The following GABBR1 variants were observed in gnomAD, a reference collection of about 807,000 sequenced individuals.
The protein encoded by GABBR1 is gamma-aminobutyric acid type B receptor subunit 1, also known as GABA-B receptor, R1 subunit.
A neutral mutation model predicts 117.7 loss-of-function variants in GABBR1; 35 were observed. That is an observed-to-expected ratio of 0.30 (90% CI 0.23 to 0.39). The LOEUF (loss-of-function observed/expected upper bound fraction) is 0.39. GABBR1 is among the 10% of genes least tolerant of loss of function. The probability of loss-of-function intolerance (pLI) is 1.00; values close to 1 mark genes in which losing one functional copy is unlikely to be tolerated. For synonymous variants in GABBR1, 442 were observed against 486.6 expected (o/e 0.91, Z 1.21); for missense variants, 709 against 1,241.8 (o/e 0.57, Z 6.45).
At chr6:29,615,402 G>C (rs1159665559) in intron 11 of GABBR1, among the ~76,000 whole-genome samples, 1 of 152,060 alleles carries the variant, frequency 6.6e-6, no homozygotes, top group Non-Finnish European at 1.5e-5. Context: ...CCTGAGGTCA[G>C]GAATTCCAGA....
chr6:29,629,099 T>TTCGATTC lies in GABBR1; in HGVS notation c.477_483dup (p.Thr162GlufsTer42). 6.2e-7 allele frequency: 1 copy of TTCGATTC among 1,612,712 alleles called. No individual in the cohort carries two copies. Among genetic ancestry groups the TTCGATTC allele is most frequent in the Non-Finnish European group, 8.5e-7 (1 of 1,179,956 alleles). On this transcript the variant is annotated frameshift_variant, in exon 5 of 23. Transcript: ENST00000377034. LOFTEE classifies it high-confidence loss of function. Reference sequence around the variant, plus strand: ...TTTCTCATCTCACCTGAGTGTGGCGTTCGATTCACTGGCAGCAGGAAAGAC... The same window carrying TTCGATTC: ...TTTCTCATCTCACCTGAGTGTGGCGTTCGATTCTCGATTCACTGGCAGCAGGAAAGAC...
At position 29,620,625 on chromosome 6, in the gene GABBR1, C is replaced by A. The variant is rs1763650461; in HGVS notation, c.1323+476G>T. 6.6e-6 allele frequency among the ~76,000 whole-genome samples: 1 copy of A among 151,666 alleles called. No individual in the cohort carries two copies. On this transcript the variant is annotated intron_variant, in intron 11 of 22. Transcript: ENST00000377034. This position sits in a 1 kb window ranked among gnomAD's most constrained non-coding sequence, Gnocchi z 4.5. ...CCACATAAAATTCTAAAAAAAGAAT[C>A]ATTAAAAAAAGCAACAGGATCCAAG...
intron 11 of GABBR1, among the ~76,000 whole-genome samples, chr6:29,614,515 G>A (rs964529240): frequency 1.3e-5 from 2 of 152,228 alleles, no homozygotes; most frequent in African/African-American, 4.8e-5. Flanking sequence ...AGATAGAGGA[G>A]TGAGATACGC....
chr6:29,605,720 T>C lies in GABBR1; in HGVS notation c.2312-24A>G. The C allele has an allele frequency of 1.2e-6, 2 of 1,608,334 alleles. No individual in the cohort carries two copies. Among genetic ancestry groups the C allele is most frequent in the South Asian group, 1.1e-5 (1 of 90,954 alleles). On this transcript the variant is annotated intron_variant, in intron 19 of 22. Transcript: ENST00000377034. This position sits in a 1 kb window ranked among gnomAD's most constrained non-coding sequence, Gnocchi z 4.2. ...GCCTAGGATGGCAGGAGAGAGTCAC[T>C]TGAGCAACAAGGACCACAATGCTCC... is the stretch of plus-strand genomic sequence containing the variant.
At position 29,611,991 on chromosome 6, in the gene GABBR1, G is replaced by A. The variant is rs1260988072; in HGVS notation, c.1630+560C>T. Among the ~76,000 whole-genome samples the A allele has an allele frequency of 6.6e-6, 1 of 151,966 alleles. No individual in the cohort carries two copies. The highest frequency in any genetic ancestry group is 1.5e-5 in the Non-Finnish European group (1 of 67,980). On this transcript the variant is annotated intron_variant, in intron 13 of 22. Transcript: ENST00000377034. The surrounding 1 kb of genome is among the most constrained non-coding windows in gnomAD (Gnocchi z 4.6). ...GAAAGAGAGTAGCTGTTTTTAATTT[G>A]CATGTCTCTTTTCTTTTCTTTTTTC...
At position 29,631,207 on chromosome 6, in the gene GABBR1, G is replaced by A. The variant is rs1764925506; in HGVS notation, c.289+189C>T. ...ATGAAGGGAGGATGAAATGAACTGTGCAGGCTGCTAGCTCTACTACCTCCA... is the reference window on the plus strand; with the variant it reads ...ATGAAGGGAGGATGAAATGAACTGTACAGGCTGCTAGCTCTACTACCTCCA... On this transcript the variant is annotated intron_variant, in intron 3 of 22. Transcript: ENST00000377034. This position sits in a 1 kb window ranked among gnomAD's most constrained non-coding sequence, Gnocchi z 5.9. Among the ~76,000 whole-genome samples the A allele has an allele frequency of 6.6e-6, 1 of 152,218 alleles. No individual in the cohort carries two copies. The highest frequency in any genetic ancestry group is 2.4e-5 in the African/African-American group (1 of 41,462).
At position 29,621,303 on chromosome 6, in the gene GABBR1, A is replaced by G. The variant is rs780941070; in HGVS notation, c.1132-11T>C. ...ACGCTCCTTGTACACCTGAATACAGAGGAGAATGGCTGAGTTTTTGTTTGC... is the reference window on the plus strand; with the variant it reads ...ACGCTCCTTGTACACCTGAATACAGGGGAGAATGGCTGAGTTTTTGTTTGC... On this transcript the variant is annotated splice_polypyrimidine_tract_variant and intron_variant, in intron 10 of 22. Transcript: ENST00000377034. The surrounding 1 kb of genome is among the most constrained non-coding windows in gnomAD (Gnocchi z 5.0). The G allele has an allele frequency of 6.8e-6, 11 of 1,606,218 alleles. No homozygotes were observed. The East Asian group carries it at 2.5e-4, about 36-fold the overall frequency.
chr6:29,604,679 T>C lies in GABBR1; in HGVS notation c.2569-42A>G, dbSNP rs1224802999. 2 of 1,610,402 alleles carry C rather than the reference T, an allele frequency of 1.2e-6. No homozygotes were observed. The highest frequency in any genetic ancestry group is 1.7e-6 in the Non-Finnish European group (2 of 1,177,670). On this transcript the variant is annotated intron_variant, in intron 21 of 22. Coordinates refer to ENST00000377034, the MANE Select transcript of GABBR1 (RefSeq NM_001470.4). The surrounding 1 kb of genome is among the most constrained non-coding windows in gnomAD (Gnocchi z 5.3). ...GGGCGTGGGGTGGCCCAGCAAGGAC[T>C]GTACTAGTGACTGGCTGATGGAAGG...
In GABBR1 at chr6:29,630,146, T is replaced by A; in HGVS notation, c.475+312A>T. On this transcript the variant is annotated intron_variant, in intron 4 of 22. Coordinates refer to ENST00000377034, the MANE Select transcript of GABBR1 (RefSeq NM_001470.4). The surrounding 1 kb of genome is among the most constrained non-coding windows in gnomAD (Gnocchi z 4.9). ...TTTAGAGAAAGGGAAAATTGGAGTA[T>A]TTAAACCTGAAGAAGGTGAGAGAGG... The A allele has an allele frequency of 3.0e-6, 1 of 338,142 alleles. No homozygotes were observed. Among genetic ancestry groups the A allele is most frequent in the Non-Finnish European group, 5.4e-6 (1 of 186,678 alleles). The allele number at this position is 338,142 out of a possible 1,614,324, so 20.9% of individuals were successfully genotyped here. A position where few individuals can be genotyped will look rare whatever the true frequency, so the allele number is the denominator to read the frequency against.
chr6:29,624,954 G>A (rs1764120287), intron 6 of GABBR1, among the ~76,000 whole-genome samples: 1 of 152,000 alleles, frequency 6.6e-6, no homozygotes, highest in South Asian at 2.1e-4. Context: ...AGGGGACACA[G>A]ACAGGGGGCT....
chr6:29,602,508 T>TCGCCGG lies in GABBR1; in HGVS notation c.*1034_*1035insCCGGCG. ...GATTGTGAGTGTAGACTGAGGGTAG[T>TCGCCGG]ACATGAATGCAATGGAGATGGGGGG... is the stretch of plus-strand genomic sequence containing the variant. On this transcript the variant is annotated 3_prime_UTR_variant, in exon 23 of 23. Transcript: ENST00000377034. The TCGCCGG allele has an allele frequency of 1.2e-5, 2 of 164,380 alleles. No individual in the cohort carries two copies. Among genetic ancestry groups the TCGCCGG allele is most frequent in the South Asian group, 1.5e-4 (1 of 6,498 alleles). 10.2% of individuals were successfully genotyped at this position (164,380 alleles called of 1,614,324 possible).
In GABBR1 at chr6:29,627,863, G is replaced by A; in HGVS notation, c.497-217C>T. 1 of 1,381,940 alleles carries A rather than the reference G, an allele frequency of 7.2e-7. No homozygotes were observed. Among genetic ancestry groups the A allele is most frequent in the Non-Finnish European group, 9.3e-7 (1 of 1,074,884 alleles). The allele number at this position is 1,381,940 out of a possible 1,614,324, so 85.6% of individuals were successfully genotyped here. A position where few individuals can be genotyped will look rare whatever the true frequency, so the allele number is the denominator to read the frequency against. On this transcript the variant is annotated intron_variant, in intron 5 of 22. Coordinates refer to ENST00000377034, the MANE Select transcript of GABBR1 (RefSeq NM_001470.4). The surrounding 1 kb of genome is among the most constrained non-coding windows in gnomAD (Gnocchi z 4.4). ...GGGGACACTTTTCCTGGGGAGGGCT[G>A]CTAAGAGGGTGCCGGGGAGGCGCCT... is the stretch of plus-strand genomic sequence containing the variant.
chr6:29,606,419 GCA>G lies in GABBR1; in HGVS notation c.2281_2282del (p.Cys761GlnfsTer29). The stretch of plus-strand genomic sequence containing the variant: ...GCCATGTATTCATCTTCCTGGAGCT[GCA>G]ATGCTCCAGCTGGGGCAGAATAGAG... ...DVSILPQLEH[C>X]SSRKMNTWLG... is the part of the protein sequence containing the mutation. On this transcript the variant is annotated frameshift_variant, in exon 19 of 23. Coordinates refer to ENST00000377034, the MANE Select transcript of GABBR1 (RefSeq NM_001470.4). LOFTEE classifies it high-confidence loss of function. The surrounding 1 kb of genome is among the most constrained non-coding windows in gnomAD (Gnocchi z 4.5). The G allele has an allele frequency of 6.2e-7, 1 of 1,612,192 alleles. No homozygotes were observed. Among genetic ancestry groups the G allele is most frequent in the Non-Finnish European group, 8.5e-7 (1 of 1,179,148 alleles).
chr6:29,616,833 G>A (rs1314266397), intron 11 of GABBR1, among the ~76,000 whole-genome samples: 4 of 145,362 alleles, frequency 2.8e-5, no homozygotes, highest in Non-Finnish European at 4.5e-5. Context: ...GGCAGCAGAG[G>A]GATACTCTAC....
intron 11 of GABBR1, among the ~76,000 whole-genome samples, chr6:29,619,880 A>G (rs1763576045): frequency 6.6e-6 from 1 of 152,242 alleles, no homozygotes. Flanking sequence ...TAAAACATAG[A>G]GTCCATTTAG....
chr6:29,612,447 G>T (rs1241784867), intron 13 of GABBR1, 104 bp downstream of exon 13: 6 of 836,548 alleles, frequency 7.2e-6, no homozygotes, highest in Middle Eastern at 5.0e-4. Context: ...GTTGGGAGGT[G>T]CCAGGGCAAT....
At position 29,631,742 on chromosome 6, in the gene GABBR1, T is replaced by G. The variant is rs1764998395; in HGVS notation, c.86-143A>C. On this transcript the variant is annotated intron_variant, in intron 2 of 22. Transcript: ENST00000377034. This position sits in a 1 kb window ranked among gnomAD's most constrained non-coding sequence, Gnocchi z 5.9. ...GGAAGAGGGATGGGGCACTAGAGGG[T>G]GGGAGTGGGGACAGGTACAGATCCC... 1.5e-6 allele frequency: 1 copy of G among 689,534 alleles called. No individual in the cohort carries two copies. Among genetic ancestry groups the G allele is most frequent in the Non-Finnish European group, 2.5e-6 (1 of 395,850 alleles). 42.7% of individuals were successfully genotyped at this position (689,534 alleles called of 1,614,324 possible).
In GABBR1 at chr6:29,621,284, C is replaced by T. The variant is rs748364744; in HGVS notation, c.1140G>A (p.Lys380=). 2.4e-5 allele frequency: 39 copies of T among 1,612,332 alleles called. No individual in the cohort carries two copies. The highest frequency in any genetic ancestry group is 3.3e-5 in the Non-Finnish European group (39 of 1,179,618). ...EARKVFCEVY[K]ERLFGKKYVW... is the part of the protein sequence containing the mutation. ...CGTACTTCTTCCCAAAGAGACGCTCCTTGTACACCTGAATACAGAGGAGAA... is the reference window on the plus strand; with the variant it reads ...CGTACTTCTTCCCAAAGAGACGCTCTTTGTACACCTGAATACAGAGGAGAA... The change falls in exon 11 of 23, where the codon AAG becomes AAA. Residue 380 remains lysine (K), a synonymous_variant. Transcript: ENST00000377034. The surrounding 1 kb of genome is among the most constrained non-coding windows in gnomAD (Gnocchi z 5.0).
rs539471734 is a variant in GABBR1, at chr6:29,622,254, G to C, written c.964-49C>G. 8.0e-7 allele frequency: 1 copy of C among 1,255,542 alleles called. No individual in the cohort carries two copies. Among genetic ancestry groups the C allele is most frequent in the African/African-American group, 1.5e-5 (1 of 68,066 alleles). The allele number at this position is 1,255,542 out of a possible 1,614,324, so 77.8% of individuals were successfully genotyped here. ...TTGGAAAAACACGGGGTGCATGAGG[G>C]AATAAAGACCAGAGAGGTTAACTGG... On this transcript the variant is annotated intron_variant, in intron 8 of 22. Coordinates refer to ENST00000377034, the MANE Select transcript of GABBR1 (RefSeq NM_001470.4). This position sits in a 1 kb window ranked among gnomAD's most constrained non-coding sequence, Gnocchi z 4.6.
Sources: allele counts gnomAD v4.1 joint callset (sites outside exome capture counted in the v4.1 genomes callset), GRCh38; gene constraint gnomAD v4.1.1; non-coding constraint Gnocchi (gnomAD v3.1); transcripts MANE v1.5; gene names NCBI Gene and HGNC (gene_info 2026-07-23, HGNC 2026-07-21).